TMCO5A: variants seen among roughly 807,000 people sequenced by gnomAD.
The protein encoded by TMCO5A is transmembrane and coiled-coil domain-containing protein 5A.
Under a neutral mutation model 42.3 loss-of-function variants are expected in TMCO5A, and 34 were observed. The ratio of observed to expected loss-of-function variants is 0.80; its 90% CI spans 0.61 to 1.07. The LOEUF (loss-of-function observed/expected upper bound fraction) is 1.07. TMCO5A is among the 50% of genes least tolerant of loss of function. The pLI is 0.00. For synonymous variants in TMCO5A, 131 were observed against 115.6 expected, an observed-to-expected ratio of 1.13 and a Z score of -0.86; for missense variants, 357 against 327.9, an observed-to-expected ratio of 1.09 and a Z score of -0.69.
intron 7 of TMCO5A, 56 bp downstream of exon 7, chr15:37,941,261 G>C (rs1889729950): frequency 1.3e-6 from 2 of 1,535,494 alleles, no homozygotes; most frequent in African/African-American, 2.7e-5. Flanking sequence ...GTGATCTTTG[G>C]TCAGGCAATC....
At chr15:38,020,027 C>G in the TMCO5A span, among the ~76,000 whole-genome samples, 1 of 151,636 alleles carries the variant, frequency 6.6e-6, no homozygotes. Context: ...GGACCTTGCT[C>G]TGTCACCCAG....
At chr15:37,963,834 G>C (rs954201289) in intron 11 of TMCO5A, among the ~76,000 whole-genome samples, 33 of 152,124 alleles carry the variant, frequency 2.2e-4, no homozygotes, top group African/African-American at 7.7e-4. Flanking sequence ...AACTGCTGTT[G>C]CTTTAAAGTT....
the TMCO5A span, among the ~76,000 whole-genome samples, chr15:37,987,697 G>A: frequency 6.6e-6 from 1 of 151,838 alleles, no homozygotes; most frequent in African/African-American, 2.4e-5. Flanking sequence ...TTATTTTTGG[G>A]CTCTCTATTC....
intron 6 of TMCO5A, among the ~76,000 whole-genome samples, chr15:37,940,309 A>T (rs1293845839): frequency 3.9e-5 from 6 of 152,130 alleles, no homozygotes; most frequent in Admixed American, 3.9e-4. Context: ...TCTCGGCCCT[A>T]CCTACCAATT....
the TMCO5A span, among the ~76,000 whole-genome samples, chr15:38,031,938 C>T: frequency 1.3e-5 from 2 of 151,696 alleles, no homozygotes; most frequent in African/African-American, 4.9e-5. Context: ...GTTTCTTTGC[C>T]TTTCTTCACC....
chr15:38,017,906 A>G, the TMCO5A span, among the ~76,000 whole-genome samples: 1 of 152,000 alleles, frequency 6.6e-6, no homozygotes, highest in African/African-American at 2.4e-5. Context: ...CTCTCATGAG[A>G]TCTGGTTGTT....
At chr15:38,035,228 G>A in the TMCO5A span, among the ~76,000 whole-genome samples, 7 of 152,196 alleles carry the variant, frequency 4.6e-5, no homozygotes, top group South Asian at 2.1e-4. Flanking sequence ...GTACATGGGA[G>A]AATATAACAT....
At chr15:38,028,608 G>A in the TMCO5A span, among the ~76,000 whole-genome samples, 2,801 of 152,226 alleles carry the variant, frequency 0.018, 72 homozygotes, top group African/African-American at 0.062. Context: ...TTGAAAGAGT[G>A]TAGCACAGGG....
intron 11 of TMCO5A, among the ~76,000 whole-genome samples, chr15:37,965,798 T>C (rs980964452): frequency 6.6e-6 from 1 of 152,172 alleles, no homozygotes; most frequent in African/African-American, 2.4e-5. Context: ...ACTCATACAT[T>C]GTTAGTGGGA....
the TMCO5A span, among the ~76,000 whole-genome samples, chr15:37,981,044 T>G: frequency 1.3e-5 from 2 of 152,044 alleles, no homozygotes; most frequent in Non-Finnish European, 2.9e-5. Flanking sequence ...AAGAATCAAA[T>G]CTCCACTGCC....
At chr15:37,960,517 A>T (rs1404380130) in intron 11 of TMCO5A, among the ~76,000 whole-genome samples, 1 of 152,076 alleles carries the variant, frequency 6.6e-6, no homozygotes, top group East Asian at 1.9e-4. Context: ...TCTTTTTTGT[A>T]TGATGACTTC....
the TMCO5A span, among the ~76,000 whole-genome samples, chr15:37,999,133 C>T: frequency 1.9e-3 from 291 of 152,192 alleles, 1 homozygote; most frequent in African/African-American, 6.7e-3. Context: ...CTTGACCTCC[C>T]GACCTCAGGT....
the TMCO5A span, among the ~76,000 whole-genome samples, chr15:38,013,352 CT>C: frequency 1.6e-3 from 1 of 624 alleles, no homozygotes. Flanking sequence ...AAAGAAGTCC[CT>C]CCCCCCCTCT....
chr15:37,951,210 GA>G lies in TMCO5A; in HGVS notation c.844del (p.Thr282GlnfsTer17), dbSNP rs1890146906. The G allele has an allele frequency of 6.2e-7, 1 of 1,613,638 alleles. No homozygotes were observed. Among genetic ancestry groups the G allele is most frequent in the Admixed American group, 1.7e-5 (1 of 59,944 alleles). ...CFFFPSLTLE[T>X]EDMLPH ...TCTTCTTTCCATCTCTCACACTTGA[GA>G]CAGAGGACATGTTACCCCACTGATT... On this transcript the variant is annotated frameshift_variant, in exon 12 of 12. Transcript: ENST00000319669. LOFTEE classifies it high-confidence loss of function.
At chr15:38,021,538 G>C in the TMCO5A span, among the ~76,000 whole-genome samples, 2 of 152,196 alleles carry the variant, frequency 1.3e-5, no homozygotes, top group South Asian at 4.1e-4. Flanking sequence ...CACATGGCCA[G>C]AGCTAACAGT....
the TMCO5A span, among the ~76,000 whole-genome samples, chr15:38,015,533 A>G: frequency 6.6e-6 from 1 of 151,298 alleles, no homozygotes; most frequent in Non-Finnish European, 1.5e-5. Context: ...CATAAAATCT[A>G]TAAATCATAT....
chr15:38,016,148 T>C, the TMCO5A span, among the ~76,000 whole-genome samples: 1 of 152,116 alleles, frequency 6.6e-6, no homozygotes, highest in Non-Finnish European at 1.5e-5. Flanking sequence ...GGGGAGGCTA[T>C]GTGTGTATGG....
At chr15:38,025,227 G>A in the TMCO5A span, among the ~76,000 whole-genome samples, 2 of 151,510 alleles carry the variant, frequency 1.3e-5, no homozygotes, top group Non-Finnish European at 2.9e-5. Flanking sequence ...GTGTTTGGTG[G>A]AAGCAGAAAA....
Position 37,940,998 on chromosome 15 carries a change from C to T in TMCO5A, c.388-151C>T, listed in dbSNP as rs113519145. ...AGCAAGTTTACCAAGCAGCTGCAAA[C>T]GGTGCTGGGTGGCTTAATTCCTCTA... On this transcript the variant is annotated intron_variant, in intron 6 of 11. Transcript: ENST00000319669. 822 of 586,548 alleles carry T rather than the reference C, an allele frequency of 1.4e-3. 6 individuals are homozygous for T. Among genetic ancestry groups the T allele is most frequent in the African/African-American group, 4.2e-3 (223 of 53,438 alleles). The allele number at this position is 586,548 out of a possible 1,614,324, so 36.3% of individuals were successfully genotyped here.
Sources: gnomAD v4.1 joint callset for allele counts (sites outside exome capture counted in the v4.1 genomes callset) on GRCh38, gnomAD v4.1.1 for gene constraint, MANE v1.5 for transcripts, NCBI Gene and HGNC (gene_info 2026-07-23, HGNC 2026-07-21) for gene names.